Variants in SAFB2 observed in about 807,000 individuals in gnomAD.
SAFB2 encodes the protein scaffold attachment factor B2.
A neutral mutation model predicts 100.6 loss-of-function variants in SAFB2; 32 were observed. The ratio of observed to expected loss-of-function variants is 0.32; its 90% CI spans 0.24 to 0.43. The LOEUF is 0.43. SAFB2 is among the 20% of genes least tolerant of loss of function. The pLI is 1.00. For missense variants in SAFB2, 1,185 were observed against 1,163.4 expected, an observed-to-expected ratio of 1.02 and a Z score of -0.27; for synonymous variants, 500 against 439.4, an observed-to-expected ratio of 1.14 and a Z score of -1.72.
chr19:5,595,615 G>A, intron 13 of SAFB2, 118 bp from the exon 14 acceptor site: 1 of 1,287,666 alleles, frequency 7.8e-7, no homozygotes, highest in East Asian at 2.5e-5. Flanking sequence ...GTAGATGGAA[G>A]GCTGTGGTCT....
At chr19:5,600,346 C>CA in intron 11 of SAFB2, 86 bp from the exon 12 acceptor site, 3 of 1,539,710 alleles carry the variant, frequency 1.9e-6, no homozygotes, top group Non-Finnish European at 2.6e-6. Context: ...CACACATACT[C>CA]AGACGTCCAC....
chr19:5,601,328 G>A (rs923369711), intron 11 of SAFB2, among the ~76,000 whole-genome samples: 9 of 152,100 alleles, frequency 5.9e-5, no homozygotes, highest in African/African-American at 2.2e-4. Context: ...AATCTACAGT[G>A]ACATTTTGTA....
chr19:5,609,189 C>G (rs1465605832), intron 9 of SAFB2, among the ~76,000 whole-genome samples: 3 of 151,970 alleles, frequency 2.0e-5, no homozygotes, highest in Admixed American at 1.3e-4. Context: ...TTTTCTCCCA[C>G]CCCCATGAGC....
At chr19:5,616,581 T>C (rs981680468) in intron 2 of SAFB2, 95 bp from the exon 3 acceptor site, 138 of 1,039,988 alleles carry the variant, frequency 1.3e-4, no homozygotes, top group Non-Finnish European at 2.2e-5. Flanking sequence ...ACAGAACACA[T>C]TACAAGATAA....
intron 15 of SAFB2, among the ~76,000 whole-genome samples, 193 bp from the exon 16 acceptor site, chr19:5,593,080 G>T (rs1467450587): frequency 6.6e-6 from 1 of 152,132 alleles, no homozygotes; most frequent in Non-Finnish European, 1.5e-5. Context: ...ATTAACAGCC[G>T]AGAGGCACAC....
At chr19:5,610,237 G>A in intron 8 of SAFB2, 142 bp from the exon 9 acceptor site, 1 of 662,164 alleles carries the variant, frequency 1.5e-6, no homozygotes, top group Non-Finnish European at 2.7e-6. Flanking sequence ...ACACACACAT[G>A]CCAACACACA....
chr19:5,590,437 A>G lies in SAFB2; in HGVS notation c.2395-29T>C, dbSNP rs1266384363. On this transcript the variant is annotated intron_variant, in intron 17 of 20. Transcript: ENST00000252542. ...GAAGGCAGGAGAGGAACAGGGTGAC[A>G]CTGACCATGTCACCCACATAGGCCC... The G allele has an allele frequency of 2.5e-6, 4 of 1,576,008 alleles. No homozygotes were observed. The African/African-American group carries it at 5.4e-5, about 21-fold the overall frequency.
intron 11 of SAFB2, among the ~76,000 whole-genome samples, chr19:5,602,806 C>T (rs2145336010): frequency 6.6e-6 from 1 of 152,330 alleles, no homozygotes; most frequent in Admixed American, 6.5e-5. Flanking sequence ...CGCAAACCTG[C>T]AACAACAGTT....
At chr19:5,621,248 C>T in intron 2 of SAFB2, 61 bp downstream of exon 2, 1 of 1,127,832 alleles carries the variant, frequency 8.9e-7, no homozygotes, top group Non-Finnish European at 1.4e-6. Flanking sequence ...GAAGAGCACA[C>T]TACACACCAT....
intron 18 of SAFB2, among the ~76,000 whole-genome samples, chr19:5,589,914 G>A (rs1191889942): frequency 6.6e-6 from 1 of 152,196 alleles, no homozygotes; most frequent in Admixed American, 6.5e-5. Flanking sequence ...AAGAGGCAAC[G>A]TGGAGGCAGG....
At chr19:5,610,812 A>G in intron 7 of SAFB2, 124 bp from the exon 8 acceptor site, 1 of 768,092 alleles carries the variant, frequency 1.3e-6, no homozygotes, top group Non-Finnish European at 2.1e-6. Context: ...ATTTTAACAG[A>G]CACCTCTGCA....
intron 16 of SAFB2, 132 bp downstream of exon 16, chr19:5,592,614 TC>T: frequency 1.0e-6 from 1 of 984,212 alleles, no homozygotes; most frequent in Non-Finnish European, 1.5e-6. Flanking sequence ...GCCAGAGTCA[TC>T]CACTGTGGAT....
chr19:5,602,479 CAAAAAAAAAAA>C (rs35472223), intron 11 of SAFB2, among the ~76,000 whole-genome samples: 4 of 39,524 alleles, frequency 1.0e-4, no homozygotes, highest in Admixed American at 3.4e-4. Flanking sequence ...GACTCTGTCT[CAAAAAAAAAAA>C]AAAAAAAAAA....
chr19:5,603,351 C>T (rs1430631454), intron 11 of SAFB2, among the ~76,000 whole-genome samples: 1 of 152,200 alleles, frequency 6.6e-6, no homozygotes, highest in Non-Finnish European at 1.5e-5. Flanking sequence ...TCTTCAAAAA[C>T]CCAGTTCAAC....
rs1421136376 is a variant in SAFB2 at position 5,616,197 on chromosome 19, A to G, written c.478T>C (p.Cys160Arg). ...DGTDGLLDSFCDSKEYVAAQL... is the reference protein window; with the variant it reads ...DGTDGLLDSFRDSKEYVAAQL... ...GCAGCCACGTATTCTTTACTATCACAAAAGGAATCGAGAAGGCCGTCCGTG... is the reference window on the plus strand; with the variant it reads ...GCAGCCACGTATTCTTTACTATCACGAAAGGAATCGAGAAGGCCGTCCGTG... Residue 160 changes from cysteine (C) to arginine (R), a missense_variant, in exon 4 of 21, where the codon TGT becomes CGT. Transcript: ENST00000252542. The G allele has an allele frequency of 6.2e-7, 1 of 1,614,202 alleles. No individual in the cohort carries two copies. Among genetic ancestry groups the G allele is most frequent in the Middle Eastern group, 1.6e-4 (1 of 6,062 alleles).
At chr19:5,607,381 C>T (rs1348851720) in intron 9 of SAFB2, among the ~76,000 whole-genome samples, 2 of 151,922 alleles carry the variant, frequency 1.3e-5, no homozygotes, top group African/African-American at 2.4e-5. Flanking sequence ...AGAAGTAAAC[C>T]GTATGACAAT....
Position 5,595,318 on chromosome 19 carries a change from G to A in SAFB2, c.1919+43C>T, listed in dbSNP as rs138382999. 322 of 1,590,066 alleles carry A rather than the reference G, an allele frequency of 2.0e-4. No individual in the cohort carries two copies. The African/African-American group carries it at 2.7e-3, about 13-fold the overall frequency. Reference sequence around the variant, plus strand: ...CAGCTGGGAGAAGGACAGCCACCCCGAGAGGAAACCACCAGCCCACAGCCT... The same window carrying A: ...CAGCTGGGAGAAGGACAGCCACCCCAAGAGGAAACCACCAGCCCACAGCCT... On this transcript the variant is annotated intron_variant, in intron 14 of 20. Transcript: ENST00000252542.
In SAFB2 at chr19:5,600,159, G is replaced by A. The variant is rs1345587759; in HGVS notation, c.1661C>T (p.Pro554Leu). 6.2e-7 allele frequency: 1 copy of A among 1,614,026 alleles called. No individual in the cohort carries two copies. The highest frequency in any genetic ancestry group is 1.1e-5 in the South Asian group (1 of 91,062). ...TTTGGTGACTCTAGACCGATTTGTA[G>A]GTCCGGGTTTCAGCTCATCCTGGTC... ...EKDQDELKPG[P>L]TNRSRVTKSG... Residue 554 changes from proline (P) to leucine (L), a missense_variant, in exon 12 of 21, where the codon CCT (proline) becomes CTT (leucine). Transcript: ENST00000252542.
chr19:5,590,645 G>A (rs1039608859), intron 17 of SAFB2, among the ~76,000 whole-genome samples: 3 of 152,170 alleles, frequency 2.0e-5, no homozygotes, highest in African/African-American at 7.2e-5. Flanking sequence ...CCAGGAGCCA[G>A]GGCACCCTGG....
Sources: allele counts gnomAD v4.1 joint callset (sites outside exome capture counted in the v4.1 genomes callset), GRCh38; gene constraint gnomAD v4.1.1; transcripts MANE v1.5; gene names NCBI Gene and HGNC (gene_info 2026-07-23, HGNC 2026-07-21).